ITFG1: variants seen among roughly 807,000 people sequenced by gnomAD.
The protein encoded by ITFG1 is T-cell immunomodulatory protein.
Under a neutral mutation model 81.8 loss-of-function variants are expected in ITFG1, and 34 were observed. That is an observed-to-expected ratio of 0.42 (90% CI 0.32 to 0.55). ITFG1 has a LOEUF of 0.55. ITFG1 is among the 20% of genes least tolerant of loss of function. The pLI, the probability that ITFG1 is intolerant of heterozygous loss-of-function variation, is 0.17. For synonymous variants in ITFG1, 285 were observed against 270.6 expected, an observed-to-expected ratio of 1.05 and a Z score of -0.52; for missense variants, 672 against 755.4, an observed-to-expected ratio of 0.89 and a Z score of 1.29.
At chr16:47,366,378 A>G (rs1968177348) in intron 7 of ITFG1, among the ~76,000 whole-genome samples, 1 of 152,194 alleles carries the variant, frequency 6.6e-6, no homozygotes. Context: ...ATTGATCCTT[A>G]AAGGGCCAAT....
chr16:47,183,234 G>C (rs1965157602), intron 14 of ITFG1, among the ~76,000 whole-genome samples: 2 of 152,190 alleles, frequency 1.3e-5, no homozygotes, highest in Non-Finnish European at 2.9e-5. Context: ...GGCTTGCTTA[G>C]GTAAACAAAG....
chr16:47,356,304 GAAGCA>G (rs1390317913), intron 8 of ITFG1, among the ~76,000 whole-genome samples: 1 of 152,200 alleles, frequency 6.6e-6, no homozygotes, highest in Non-Finnish European at 1.5e-5. Flanking sequence ...TTATGAAAAA[GAAGCA>G]AAGAGACATT....
intron 10 of ITFG1, among the ~76,000 whole-genome samples, chr16:47,300,510 A>C (rs1232839566): frequency 6.6e-6 from 1 of 152,180 alleles, no homozygotes; most frequent in Admixed American, 6.5e-5. Flanking sequence ...GGAACTGGAG[A>C]CTATCCCACC....
At chr16:47,302,197 T>C (rs1273356515) in intron 10 of ITFG1, among the ~76,000 whole-genome samples, 1 of 152,206 alleles carries the variant, frequency 6.6e-6, no homozygotes, top group Non-Finnish European at 1.5e-5. Flanking sequence ...GAACTTGTAT[T>C]TGCTTTTTTT....
intron 5 of ITFG1, among the ~76,000 whole-genome samples, chr16:47,446,763 A>T (rs1969329325): frequency 6.6e-6 from 1 of 152,342 alleles, no homozygotes; most frequent in South Asian, 2.1e-4. Context: ...TATTTTCAGA[A>T]ATTATGATTC....
At chr16:47,197,415 T>C (rs1275599267) in intron 14 of ITFG1, among the ~76,000 whole-genome samples, 2 of 152,242 alleles carry the variant, frequency 1.3e-5, no homozygotes, top group African/African-American at 4.8e-5. Flanking sequence ...TGAATCCACC[T>C]GTGACCTGTA....
intron 6 of ITFG1, among the ~76,000 whole-genome samples, chr16:47,411,760 T>G (rs977969081): frequency 3.3e-5 from 5 of 152,100 alleles, no homozygotes; most frequent in African/African-American, 1.2e-4. Context: ...GTGGCTCCCA[T>G]ACGGCCTGGG....
chr16:47,424,496 TGGA>T (rs1379352344), intron 6 of ITFG1, among the ~76,000 whole-genome samples: 1 of 152,240 alleles, frequency 6.6e-6, no homozygotes, highest in Non-Finnish European at 1.5e-5. Context: ...TGCAATCCTT[TGGA>T]GGAGAAGAGG....
At chr16:47,290,639 TTC>T (rs1462550738) in intron 10 of ITFG1, among the ~76,000 whole-genome samples, 5 of 152,168 alleles carry the variant, frequency 3.3e-5, no homozygotes, top group African/African-American at 7.2e-5. Flanking sequence ...CTCAATTGGC[TTC>T]TGTTTGTGTG....
intron 5 of ITFG1, among the ~76,000 whole-genome samples, chr16:47,446,271 C>T (rs942253137): frequency 6.6e-6 from 1 of 152,182 alleles, no homozygotes; most frequent in Non-Finnish European, 1.5e-5. Context: ...CACTAGAGAA[C>T]AAAGTCACCC....
intron 8 of ITFG1, among the ~76,000 whole-genome samples, chr16:47,326,454 G>C (rs1339056679): frequency 1.3e-5 from 2 of 152,184 alleles, no homozygotes; most frequent in East Asian, 1.9e-4. Flanking sequence ...ATTCAAAATA[G>C]TGTTGGAAGT....
intron 14 of ITFG1, among the ~76,000 whole-genome samples, chr16:47,207,819 G>A (rs1965520047): frequency 8.5e-6 from 1 of 118,292 alleles, no homozygotes; most frequent in Non-Finnish European, 1.6e-5. Context: ...TAACTGCCTT[G>A]AGAGCAACAA....
intron 10 of ITFG1, among the ~76,000 whole-genome samples, chr16:47,273,557 A>G (rs1367797074): frequency 6.6e-6 from 1 of 152,180 alleles, no homozygotes; most frequent in Non-Finnish European, 1.5e-5. Flanking sequence ...GGCAAATGCA[A>G]TCCATTTATC....
At chr16:47,346,932 C>A (rs960624009) in intron 8 of ITFG1, among the ~76,000 whole-genome samples, 1 of 152,150 alleles carries the variant, frequency 6.6e-6, no homozygotes, top group East Asian at 1.9e-4. Context: ...ACTCTGATAT[C>A]AAAACCAGCC....
At chr16:47,234,121 G>GACAAA (rs780776710) in intron 13 of ITFG1, among the ~76,000 whole-genome samples, 3 of 151,988 alleles carry the variant, frequency 2.0e-5, no homozygotes, top group Non-Finnish European at 4.4e-5. Flanking sequence ...AAAGGCAAAA[G>GACAAA]ACAAAACAAA....
At chr16:47,157,127 G>C (rs2151504276) in intron 17 of ITFG1, among the ~76,000 whole-genome samples, 1 of 152,290 alleles carries the variant, frequency 6.6e-6, no homozygotes, top group Admixed American at 6.5e-5. Context: ...AAGTAAGAGA[G>C]ATGAAGCTTT....
At position 47,202,960 on chromosome 16, in the gene ITFG1, A is replaced by G. The variant is rs576692126; in HGVS notation, c.1453+15908T>C. Among the ~76,000 whole-genome samples, 3 of 152,302 alleles carry G rather than the reference A, an allele frequency of 2.0e-5. No individual in the cohort carries two copies. The South Asian group carries it at 6.2e-4, about 32-fold the overall frequency. The stretch of plus-strand genomic sequence containing the variant: ...TGGTATAGTGGTTCCTTCAAAAATT[A>G]CACAGAAGTATCATATGATGCAGCA... On this transcript the variant is annotated intron_variant, in intron 14 of 17. Transcript: ENST00000320640.
chr16:47,394,756 A>G (rs995147276), intron 6 of ITFG1, among the ~76,000 whole-genome samples: 9 of 152,144 alleles, frequency 5.9e-5, no homozygotes, highest in Admixed American at 4.6e-4. Flanking sequence ...TATACCAAAA[A>G]CATTCTCAAG....
intron 12 of ITFG1, among the ~76,000 whole-genome samples, chr16:47,250,111 G>C (rs1001601508): frequency 3.3e-5 from 5 of 152,066 alleles, no homozygotes; most frequent in Non-Finnish European, 1.5e-5. Context: ...CTCAAGCTTT[G>C]AGCACATGTG....
Sources: allele counts gnomAD v4.1 joint callset (sites outside exome capture counted in the v4.1 genomes callset), GRCh38; gene constraint gnomAD v4.1.1; transcripts MANE v1.5; gene names NCBI Gene and HGNC (gene_info 2026-07-23, HGNC 2026-07-21).